Variants in GREB1L observed in about 807,000 individuals in gnomAD.
GREB1L encodes GREB1-like protein.
GREB1L carries 17 observed loss-of-function variants against 200.8 expected under a neutral mutation model. The observed-to-expected ratio is 0.08, with a 90% CI of 0.06 to 0.13. The LOEUF (loss-of-function observed/expected upper bound fraction) is 0.13, where lower values mean the gene tolerates loss of function less well. GREB1L is among the 10% of genes least tolerant of loss of function. The pLI, the probability that GREB1L is intolerant of heterozygous loss-of-function variation, is 1.00. For missense variants in GREB1L, 1,657 were observed against 2,367.7 expected (o/e 0.70, Z 6.23); for synonymous variants, 789 against 893.0 (o/e 0.88, Z 2.08).
intron 19 of GREB1L, among the ~76,000 whole-genome samples, chr18:21,494,121 G>A (rs2036453078): frequency 6.6e-6 from 1 of 152,052 alleles, no homozygotes; most frequent in African/African-American, 2.4e-5. Context: ...CCCCTGACAT[G>A]AAATGGTATG....
intron 7 of GREB1L, among the ~76,000 whole-genome samples, chr18:21,412,732 A>G (rs2031197720): frequency 6.6e-6 from 1 of 152,040 alleles, no homozygotes; most frequent in East Asian, 1.9e-4. Flanking sequence ...TTTGACTTGG[A>G]TGGTGGTTTC....
At chr18:21,419,310 A>G (rs2031941739) in intron 7 of GREB1L, among the ~76,000 whole-genome samples, 1 of 152,236 alleles carries the variant, frequency 6.6e-6, no homozygotes, top group South Asian at 2.1e-4. Flanking sequence ...TTGTCTATGT[A>G]GAAGACCCAA....
chr18:21,350,238 CTTTTTTTT>C (rs1019497941), intron 1 of GREB1L, among the ~76,000 whole-genome samples: 2 of 133,298 alleles, frequency 1.5e-5, no homozygotes, highest in Non-Finnish European at 3.3e-5. Flanking sequence ...TTCTTTCTTT[CTTTTTTTT>C]TTTTTTTTTG....
At chr18:21,307,830 C>T (rs1369097102) in intron 1 of GREB1L, among the ~76,000 whole-genome samples, 1 of 152,102 alleles carries the variant, frequency 6.6e-6, no homozygotes, top group African/African-American at 2.4e-5. Context: ...GCCCGTGCCC[C>T]TCGACCTAAG....
intron 1 of GREB1L, among the ~76,000 whole-genome samples, chr18:21,344,066 T>C (rs2143065016): frequency 6.6e-6 from 1 of 152,270 alleles, no homozygotes; most frequent in East Asian, 1.9e-4. Context: ...TGAGCCACCA[T>C]GCCCAGCCTG....
At chr18:21,511,306 G>A (rs1239220176) in intron 27 of GREB1L, among the ~76,000 whole-genome samples, 1 of 151,968 alleles carries the variant, frequency 6.6e-6, no homozygotes, top group African/African-American at 2.4e-5. Flanking sequence ...GGAGGTTGCG[G>A]TAAGCTGAGA....
intron 1 of GREB1L, among the ~76,000 whole-genome samples, chr18:21,287,013 A>C (rs2038368198): frequency 6.6e-6 from 1 of 152,162 alleles, no homozygotes; most frequent in Non-Finnish European, 1.5e-5. Flanking sequence ...TCCGAACTAC[A>C]TGCTTAGGTT....
At chr18:21,506,685 CTG>C (rs2037034150) in intron 25 of GREB1L, among the ~76,000 whole-genome samples, 2 of 152,238 alleles carry the variant, frequency 1.3e-5, no homozygotes, top group South Asian at 2.1e-4. Flanking sequence ...TCTAACAAGA[CTG>C]TTGATTTGCA....
intron 7 of GREB1L, among the ~76,000 whole-genome samples, chr18:21,431,865 C>CT (rs2033172073): frequency 7.3e-6 from 1 of 136,402 alleles, no homozygotes; most frequent in South Asian, 2.3e-4. Flanking sequence ...ATAAAGTGTT[C>CT]TTTTTTTCAT....
chr18:21,504,657 A>G (rs2036937995), intron 23 of GREB1L, among the ~76,000 whole-genome samples: 1 of 152,130 alleles, frequency 6.6e-6, no homozygotes, highest in Admixed American at 6.5e-5. Flanking sequence ...GCAATACAGT[A>G]AGACCCTGCC....
At chr18:21,319,785 A>G (rs1180631762) in intron 1 of GREB1L, among the ~76,000 whole-genome samples, 1 of 152,206 alleles carries the variant, frequency 6.6e-6, no homozygotes, top group Non-Finnish European at 1.5e-5. Context: ...CAGTTATGAA[A>G]GGAAAAGGAG....
intron 1 of GREB1L, among the ~76,000 whole-genome samples, chr18:21,287,607 G>C (rs2038378583): frequency 6.6e-6 from 1 of 152,054 alleles, no homozygotes; most frequent in African/African-American, 2.4e-5. Flanking sequence ...TTTAACAAGG[G>C]AAACATTGCC....
intron 4 of GREB1L, among the ~76,000 whole-genome samples, chr18:21,388,708 C>G (rs1294346524): frequency 6.6e-6 from 1 of 151,826 alleles, no homozygotes; most frequent in Non-Finnish European, 1.5e-5. Context: ...CCACGCCCCG[C>G]TAATTTTTTG....
chr18:21,390,690 C>A (rs1351650662), intron 4 of GREB1L, among the ~76,000 whole-genome samples: 1 of 152,130 alleles, frequency 6.6e-6, no homozygotes, highest in Non-Finnish European at 1.5e-5. Context: ...GCGCCCACCA[C>A]CATGCCCAGC....
chr18:21,315,984 G>A (rs2038862196), intron 1 of GREB1L, among the ~76,000 whole-genome samples: 1 of 152,188 alleles, frequency 6.6e-6, no homozygotes, highest in African/African-American at 2.4e-5. Context: ...GTGCTGTGCA[G>A]TCTGCCCTCG....
At chr18:21,419,486 T>G (rs2031957114) in intron 7 of GREB1L, among the ~76,000 whole-genome samples, 1 of 152,184 alleles carries the variant, frequency 6.6e-6, no homozygotes, top group African/African-American at 2.4e-5. Context: ...AGAGTCTCAG[T>G]CTATCACCCA....
At chr18:21,289,535 C>A (rs2038412996) in intron 1 of GREB1L, among the ~76,000 whole-genome samples, 1 of 151,394 alleles carries the variant, frequency 6.6e-6, no homozygotes, top group South Asian at 2.1e-4. Flanking sequence ...ACAGTGAGAC[C>A]ATCCCCCCCC....
intron 1 of GREB1L, among the ~76,000 whole-genome samples, chr18:21,311,085 G>A (rs530371859): frequency 6.6e-6 from 1 of 152,282 alleles, no homozygotes; most frequent in South Asian, 2.1e-4. Context: ...AGGAAGTTGA[G>A]ATAAACTACT....
intron 32 of GREB1L, among the ~76,000 whole-genome samples, chr18:21,521,364 T>C (rs1238472244): frequency 2.1e-5 from 3 of 140,720 alleles, no homozygotes; most frequent in Non-Finnish European, 3.1e-5. Flanking sequence ...ACAGTGAAAC[T>C]CCATCTCAAA....
Sources: gnomAD v4.1 joint callset for allele counts (sites outside exome capture counted in the v4.1 genomes callset) on GRCh38, gnomAD v4.1.1 for gene constraint, MANE v1.5 for transcripts, NCBI Gene and HGNC (gene_info 2026-07-23, HGNC 2026-07-21) for gene names.